Variants in DGKI observed in about 807,000 individuals in gnomAD.
DGKI encodes the protein DAG kinase iota.
Under a neutral mutation model 147.5 loss-of-function variants are expected in DGKI, and 55 were observed. That is an observed-to-expected ratio of 0.37 (90% CI 0.30 to 0.47). The LOEUF (loss-of-function observed/expected upper bound fraction) is 0.47. Ranked by LOEUF, DGKI falls within the 20% of genes least tolerant of loss-of-function variation. DGKI has a pLI of 1.00. For missense variants in DGKI, 1,007 were observed against 1,323.8 expected (o/e 0.76, Z 3.71); for synonymous variants, 469 against 477.1 (o/e 0.98, Z 0.22).
At chr7:137,732,337 T>C (rs1794909283) in intron 1 of DGKI, among the ~76,000 whole-genome samples, 1 of 152,118 alleles carries the variant, frequency 6.6e-6, no homozygotes, top group Non-Finnish European at 1.5e-5. Flanking sequence ...CAACTTTGCC[T>C]GATTTGCAAT....
At chr7:137,790,672 A>C (rs1401629675) in intron 1 of DGKI, among the ~76,000 whole-genome samples, 1 of 152,188 alleles carries the variant, frequency 6.6e-6, no homozygotes, top group Non-Finnish European at 1.5e-5. Flanking sequence ...GGTGAAACAG[A>C]AAGAGCAGGA....
chr7:137,530,626 T>C (rs1817307005), intron 20 of DGKI, among the ~76,000 whole-genome samples: 1 of 152,200 alleles, frequency 6.6e-6, no homozygotes. Flanking sequence ...TGTGTTAAAT[T>C]ACTGATCCCC....
rs560446234 is a variant in DGKI, at chr7:137,478,153, C to A, written c.2373+7221G>T. On this transcript the variant is annotated intron_variant, in intron 23 of 32. Transcript: ENST00000614521. ...GGTAAACCAAGATTATAAAACCTGGCAGATTGCAGAACACACATAGCTTAT... is the reference window on the plus strand; with the variant it reads ...GGTAAACCAAGATTATAAAACCTGGAAGATTGCAGAACACACATAGCTTAT... Among the ~76,000 whole-genome samples the A allele has an allele frequency of 2.0e-5, 3 of 152,254 alleles. No homozygotes were observed. In the East Asian group the frequency reaches 5.8e-4, roughly 29 times the overall value.
chr7:137,707,797 G>A (rs995162789), intron 1 of DGKI, among the ~76,000 whole-genome samples: 3 of 152,132 alleles, frequency 2.0e-5, no homozygotes, highest in African/African-American at 2.4e-5. Context: ...CCAGTCTCAG[G>A]TATTTTTTTA....
At chr7:137,429,207 A>T (rs949809792) in intron 28 of DGKI, among the ~76,000 whole-genome samples, 1 of 151,886 alleles carries the variant, frequency 6.6e-6, no homozygotes, top group Non-Finnish European at 1.5e-5. Flanking sequence ...AAACAGAGAT[A>T]TAGATCAATG....
At chr7:137,618,520 TC>T (rs1264277187) in intron 8 of DGKI, among the ~76,000 whole-genome samples, 2 of 151,976 alleles carry the variant, frequency 1.3e-5, no homozygotes, top group East Asian at 3.9e-4. Flanking sequence ...ACGTATTTTA[TC>T]GCAATGCCTA....
chr7:137,595,995 C>A (rs1204927544), intron 12 of DGKI, among the ~76,000 whole-genome samples: 4 of 81,482 alleles, frequency 4.9e-5, no homozygotes, highest in African/African-American at 2.2e-4. Context: ...GAGTGAGACT[C>A]CGTCTCAAAA....
At chr7:137,456,813 A>T (rs1814223654) in intron 27 of DGKI, among the ~76,000 whole-genome samples, 1 of 152,186 alleles carries the variant, frequency 6.6e-6, no homozygotes, top group Admixed American at 6.5e-5. Flanking sequence ...TTTCAATGTC[A>T]GTCAAAATAA....
intron 30 of DGKI, among the ~76,000 whole-genome samples, chr7:137,403,583 T>C (rs1338769129): frequency 6.6e-6 from 1 of 151,970 alleles, no homozygotes; most frequent in Non-Finnish European, 1.5e-5. Flanking sequence ...AAAGGAAGTG[T>C]CAACTCAAGA....
intron 5 of DGKI, among the ~76,000 whole-genome samples, chr7:137,650,418 A>G (rs926119854): frequency 6.6e-6 from 1 of 152,186 alleles, no homozygotes; most frequent in East Asian, 1.9e-4. Context: ...ATAAAGAACA[A>G]TATGCTATGT....
intron 20 of DGKI, among the ~76,000 whole-genome samples, chr7:137,532,585 T>C (rs915154538): frequency 5.3e-5 from 8 of 152,142 alleles, no homozygotes; most frequent in African/African-American, 1.9e-4. Context: ...TGGCCCCATA[T>C]TTCTGTTCAT....
chr7:137,779,320 G>A (rs777030870), intron 1 of DGKI, among the ~76,000 whole-genome samples: 2 of 152,034 alleles, frequency 1.3e-5, no homozygotes, highest in Non-Finnish European at 2.9e-5. Context: ...CTATCTTATA[G>A]CAAGCATAAA....
intron 1 of DGKI, among the ~76,000 whole-genome samples, chr7:137,698,268 T>G (rs1317720350): frequency 6.6e-6 from 1 of 152,134 alleles, no homozygotes; most frequent in Non-Finnish European, 1.5e-5. Context: ...GTACCCAGTA[T>G]GCATTGGAAA....
intron 14 of DGKI, among the ~76,000 whole-genome samples, chr7:137,584,241 G>A (rs755186183): frequency 1.3e-5 from 2 of 152,106 alleles, no homozygotes; most frequent in African/African-American, 2.4e-5. Context: ...TGGTGACTGG[G>A]CCTTGTAATC....
At chr7:137,649,660 C>T (rs1443709665) in intron 5 of DGKI, among the ~76,000 whole-genome samples, 1 of 151,806 alleles carries the variant, frequency 6.6e-6, no homozygotes, top group Admixed American at 6.6e-5. Context: ...AAATACTGCT[C>T]AGGTGATGCG....
chr7:137,822,107 A>G (rs1797922407), intron 1 of DGKI, among the ~76,000 whole-genome samples: 1 of 152,196 alleles, frequency 6.6e-6, no homozygotes, highest in African/African-American at 2.4e-5. Context: ...CCACTGAATA[A>G]TAATAATTCA....
intron 28 of DGKI, among the ~76,000 whole-genome samples, chr7:137,436,165 T>A (rs1020258149): frequency 3.3e-5 from 5 of 152,190 alleles, no homozygotes; most frequent in Non-Finnish European, 5.9e-5. Context: ...AGGGAATAGC[T>A]ACCTTTTGAG....
At chr7:137,596,052 G>T (rs1176346833) in intron 12 of DGKI, among the ~76,000 whole-genome samples, 1 of 142,034 alleles carries the variant, frequency 7.0e-6, no homozygotes, top group Non-Finnish European at 1.5e-5. Flanking sequence ...GAAAAGAAAA[G>T]GAAGAAGAAA....
Position 137,675,634 on chromosome 7 carries a change from G to A in DGKI, c.606+2923C>T, listed in dbSNP as rs532862659. Among the ~76,000 whole-genome samples, 15 of 144,886 alleles carry A rather than the reference G, an allele frequency of 1.0e-4. No homozygotes were observed. In the South Asian group the frequency reaches 3.1e-3, roughly 30 times the overall value. Reference sequence around the variant, plus strand: ...CGGGAGGCGGAGGTTGCAGTGAGCCGAGATCACACCACTGCACTCCAGCCT... The same window carrying A: ...CGGGAGGCGGAGGTTGCAGTGAGCCAAGATCACACCACTGCACTCCAGCCT... On this transcript the variant is annotated intron_variant, in intron 3 of 32. Coordinates refer to ENST00000614521, the MANE Select transcript of DGKI (RefSeq NM_001321708.2).
Sources: allele counts gnomAD v4.1 joint callset (sites outside exome capture counted in the v4.1 genomes callset), GRCh38; gene constraint gnomAD v4.1.1; transcripts MANE v1.5; gene names NCBI Gene and HGNC (gene_info 2026-07-23, HGNC 2026-07-21).